Variants in C8orf34 observed in about 807,000 individuals in gnomAD.
The protein encoded by C8orf34 is uncharacterized protein C8orf34.
A neutral mutation model predicts 68.3 loss-of-function variants in C8orf34; 65 were observed. The ratio of observed to expected loss-of-function variants is 0.95; its 90% CI spans 0.78 to 1.17. The LOEUF (loss-of-function observed/expected upper bound fraction) is 1.17, where lower values mean the gene tolerates loss of function less well. Among genes scored for constraint, C8orf34 ranks in the 50% most tolerant of loss-of-function variants. The pLI is 0.00. For synonymous variants in C8orf34, 244 were observed against 241.2 expected, an observed-to-expected ratio of 1.01 and a Z score of -0.11; for missense variants, 664 against 655.4, an observed-to-expected ratio of 1.01 and a Z score of -0.14.
At chr8:68,484,253 A>G (rs1311581298) in intron 4 of C8orf34, among the ~76,000 whole-genome samples, 3 of 152,190 alleles carry the variant, frequency 2.0e-5, no homozygotes, top group Non-Finnish European at 4.4e-5. Context: ...AGCGGCAACA[A>G]AGACATGGTA....
At chr8:68,568,637 G>A (rs766175626) in intron 7 of C8orf34, among the ~76,000 whole-genome samples, 4 of 151,932 alleles carry the variant, frequency 2.6e-5, no homozygotes, top group Non-Finnish European at 5.9e-5. Flanking sequence ...CTAATATATG[G>A]TAACTGACAT....
At position 68,767,637 on chromosome 8, in the gene C8orf34, G is replaced by T. The variant is rs577218828; in HGVS notation, c.1405-8762G>T. Among the ~76,000 whole-genome samples, 17 of 152,208 alleles carry T rather than the reference G, an allele frequency of 1.1e-4. No individual in the cohort carries two copies. The East Asian group carries it at 1.9e-3, about 17-fold the overall frequency. ...TATGACCATTCATTCATTCATTCAT[G>T]CATGCATTCATTCATAGAAATGGGA... is the stretch of plus-strand genomic sequence containing the variant. On this transcript the variant is annotated intron_variant, in intron 10 of 13. Coordinates refer to ENST00000518698, the MANE Select transcript of C8orf34 (RefSeq NM_052958.4).
At chr8:68,740,445 C>G (rs1045413489) in intron 10 of C8orf34, among the ~76,000 whole-genome samples, 6 of 151,948 alleles carry the variant, frequency 3.9e-5, no homozygotes, top group African/African-American at 1.5e-4. Flanking sequence ...AGACACTTTT[C>G]AAAAGAAGAC....
At chr8:68,461,939 A>T (rs1811852213) in intron 3 of C8orf34, among the ~76,000 whole-genome samples, 1 of 152,212 alleles carries the variant, frequency 6.6e-6, no homozygotes, top group Non-Finnish European at 1.5e-5. Context: ...CACACATAAC[A>T]ATATTACCTT....
intron 12 of C8orf34, among the ~76,000 whole-genome samples, chr8:68,804,017 G>C (rs536066806): frequency 8.5e-5 from 13 of 152,160 alleles, no homozygotes; most frequent in African/African-American, 3.1e-4. Context: ...ACTGTCAACT[G>C]ACAATTTTTA....
chr8:68,746,897 A>G (rs2129527470), intron 10 of C8orf34, among the ~76,000 whole-genome samples: 1 of 152,220 alleles, frequency 6.6e-6, no homozygotes, highest in African/African-American at 2.4e-5. Context: ...GGCCAGCATC[A>G]TCCTGATACC....
intron 9 of C8orf34, among the ~76,000 whole-genome samples, chr8:68,713,199 T>G (rs1395038328): frequency 1.3e-5 from 2 of 152,072 alleles, no homozygotes; most frequent in East Asian, 3.9e-4. Context: ...TTCATAGCAT[T>G]AAATGCCTAT....
At chr8:68,747,234 T>C (rs1424101295) in intron 10 of C8orf34, among the ~76,000 whole-genome samples, 1 of 151,606 alleles carries the variant, frequency 6.6e-6, no homozygotes, top group Non-Finnish European at 1.5e-5. Flanking sequence ...GGGACGTATT[T>C]CAAAATAATA....
At chr8:68,687,130 G>A (rs1820542374) in intron 8 of C8orf34, among the ~76,000 whole-genome samples, 1 of 151,940 alleles carries the variant, frequency 6.6e-6, no homozygotes, top group South Asian at 2.1e-4. Context: ...ACTAATAAAT[G>A]GAAACACATC....
chr8:68,652,339 C>A (rs996578039), intron 8 of C8orf34, among the ~76,000 whole-genome samples: 8 of 152,128 alleles, frequency 5.3e-5, no homozygotes, highest in Non-Finnish European at 8.8e-5. Context: ...ACATGGTTTG[C>A]AAATATTTTC....
intron 1 of C8orf34, among the ~76,000 whole-genome samples, chr8:68,343,989 A>G (rs1422835781): frequency 1.3e-5 from 2 of 152,176 alleles, no homozygotes; most frequent in African/African-American, 2.4e-5. Context: ...GGCCTCCCAA[A>G]GTTCTGAGAT....
intron 1 of C8orf34, among the ~76,000 whole-genome samples, chr8:68,355,149 T>C (rs1035417796): frequency 6.6e-6 from 1 of 152,168 alleles, no homozygotes; most frequent in African/African-American, 2.4e-5. Context: ...GCCGTCTTTT[T>C]CTCTTTTAAT....
intron 11 of C8orf34, 69 bp downstream of exon 11, chr8:68,776,518 A>G (rs2129528604): frequency 8.0e-7 from 1 of 1,251,158 alleles, no homozygotes; most frequent in Non-Finnish European, 1.2e-6. Flanking sequence ...GCACTCACTT[A>G]GGCTTTCTCC....
intron 1 of C8orf34, among the ~76,000 whole-genome samples, chr8:68,405,041 C>T (rs1467809169): frequency 2.0e-5 from 3 of 152,030 alleles, no homozygotes; most frequent in African/African-American, 7.2e-5. Flanking sequence ...CTCTTATTTC[C>T]TTGAGCAGTT....
At chr8:68,568,714 A>G (rs1244250888) in intron 7 of C8orf34, among the ~76,000 whole-genome samples, 1 of 152,216 alleles carries the variant, frequency 6.6e-6, no homozygotes, top group Non-Finnish European at 1.5e-5. Flanking sequence ...AAACATATTT[A>G]TATAAGAAAT....
At chr8:68,733,937 C>G (rs1279233154) in intron 10 of C8orf34, among the ~76,000 whole-genome samples, 2 of 152,120 alleles carry the variant, frequency 1.3e-5, no homozygotes, top group Admixed American at 6.5e-5. Context: ...ATTAGTATTT[C>G]TCAAGAATTG....
intron 1 of C8orf34, among the ~76,000 whole-genome samples, chr8:68,400,769 A>G (rs932527387): frequency 1.3e-5 from 2 of 152,104 alleles, no homozygotes; most frequent in Non-Finnish European, 2.9e-5. Context: ...TTTGGTTACT[A>G]TACCCTTGCA....
At chr8:68,539,747 G>A (rs778905743) in intron 7 of C8orf34, among the ~76,000 whole-genome samples, 13 of 151,842 alleles carry the variant, frequency 8.6e-5, no homozygotes, top group African/African-American at 9.7e-5. Context: ...CCAGCTACTC[G>A]GGACACTGAG....
At chr8:68,717,005 T>G (rs552937005) in intron 9 of C8orf34, among the ~76,000 whole-genome samples, 3 of 151,814 alleles carry the variant, frequency 2.0e-5, no homozygotes, top group Non-Finnish European at 4.4e-5. Context: ...AACAATTGTT[T>G]TCCTGAAAAA....
Sources: gnomAD v4.1 joint callset for allele counts (sites outside exome capture counted in the v4.1 genomes callset) on GRCh38, gnomAD v4.1.1 for gene constraint, MANE v1.5 for transcripts, NCBI Gene and HGNC (gene_info 2026-07-23, HGNC 2026-07-21) for gene names.